FSTL1: variants seen among roughly 807,000 people sequenced by gnomAD.
The protein encoded by FSTL1 is follistatin-related protein 1.
FSTL1 carries 24 observed loss-of-function variants against 45.9 expected under a neutral mutation model. The observed-to-expected ratio is 0.52, with a 90% CI of 0.38 to 0.74. The LOEUF is 0.74. Ranked by LOEUF, FSTL1 falls within the 30% of genes least tolerant of loss-of-function variation. The pLI is 0.00. For missense variants in FSTL1, 340 were observed against 381.8 expected (o/e 0.89, Z 0.91); for synonymous variants, 120 against 137.6 (o/e 0.87, Z 0.89).
intron 3 of FSTL1, among the ~76,000 whole-genome samples, chr3:120,413,781 CT>C (rs1937117387): frequency 1.9e-4 from 1 of 5,268 alleles, no homozygotes; most frequent in Non-Finnish European, 4.0e-4. Context: ...AAAAAACTCC[CT>C]CTCCCTCTCC....
At chr3:120,424,113 A>G (rs1029817512) in intron 2 of FSTL1, 2 of 152,276 alleles carry the variant, frequency 1.3e-5, no homozygotes, top group African/African-American at 2.4e-5. Flanking sequence ...ACGGTCTGTA[A>G]TGAGCATGGC....
chr3:120,449,583 AT>A (rs1306271730), intron 2 of FSTL1, among the ~76,000 whole-genome samples: 1 of 152,206 alleles, frequency 6.6e-6, no homozygotes, highest in African/African-American at 2.4e-5. Flanking sequence ...AAAACAGTTG[AT>A]TGAGTTTCCA....
At chr3:120,403,925 A>AAAAAAC (rs1404485461) in intron 7 of FSTL1, among the ~76,000 whole-genome samples, 1 of 125,322 alleles carries the variant, frequency 8.0e-6, no homozygotes, top group Non-Finnish European at 1.7e-5. Flanking sequence ...CGTCTCAAAA[A>AAAAAAC]AAAAAAAAAA....
At chr3:120,450,782 CG>C (rs776344715) in intron 1 of FSTL1, 36 bp from the exon 2 acceptor site, 1 of 1,500,520 alleles carries the variant, frequency 6.7e-7, no homozygotes, top group Non-Finnish European at 8.9e-7. Context: ...CTGAAGGCGC[CG>C]GGCCCCGCGC....
chr3:120,403,196 A>G (rs535822904), intron 8 of FSTL1, 46 bp downstream of exon 8: 1 of 1,043,750 alleles, frequency 9.6e-7, no homozygotes, highest in Non-Finnish European at 1.5e-6. Context: ...GCTCCTACAA[A>G]ATGCCTCCAT....
At chr3:120,414,463 C>T (rs1215380945) in intron 3 of FSTL1, among the ~76,000 whole-genome samples, 2 of 152,208 alleles carry the variant, frequency 1.3e-5, no homozygotes, top group African/African-American at 4.8e-5. Flanking sequence ...AGCCCCTCTG[C>T]CCGGCCACCA....
At chr3:120,419,343 T>C (rs1937239990) in intron 2 of FSTL1, 1 of 152,188 alleles carries the variant, frequency 6.6e-6, no homozygotes, top group African/African-American at 2.4e-5. Flanking sequence ...GAAAATTTTC[T>C]CCAGAGAGAT....
At chr3:120,422,515 AC>A (rs1419818275) in intron 2 of FSTL1, among the ~76,000 whole-genome samples, 2 of 151,930 alleles carry the variant, frequency 1.3e-5, no homozygotes, top group Non-Finnish European at 2.9e-5. Flanking sequence ...TTAAAAATAA[AC>A]AAAAATTATT....
At position 120,412,812 on chromosome 3, in the gene FSTL1, ACACATGTGCGCGCGCGCGCGCGCGCG is replaced by A. The variant is rs1455839915; in HGVS notation, c.169-855_169-830del. ...CTGATAGGCAGGCAGGCAAACACACACACATGTGCGCGCGCGCGCGCGCGCGCACACACACACACACACACACACAC... is the reference window on the plus strand; with the variant it reads ...CTGATAGGCAGGCAGGCAAACACACACACACACACACACACACACACACAC... On this transcript the variant is annotated intron_variant, in intron 3 of 10. Transcript: ENST00000295633. Among the ~76,000 whole-genome samples the A allele has an allele frequency of 2.3e-3, 241 of 103,130 alleles. 2 individuals carry two copies. Among genetic ancestry groups the A allele is most frequent in the East Asian group, 5.8e-3 (20 of 3,436 alleles). 67.7% of individuals were successfully genotyped at this position (103,130 alleles called of 152,430 possible). A position where few individuals can be genotyped will look rare whatever the true frequency, so the allele number is the denominator to read the frequency against.
chr3:120,432,601 A>T (rs753395159), intron 2 of FSTL1, among the ~76,000 whole-genome samples: 1 of 152,184 alleles, frequency 6.6e-6, no homozygotes, highest in Non-Finnish European at 1.5e-5. Flanking sequence ...GTTGCTATGG[A>T]TAGATTATCA....
At chr3:120,408,166 A>T (rs1936983014) in intron 6 of FSTL1, among the ~76,000 whole-genome samples, 1 of 152,152 alleles carries the variant, frequency 6.6e-6, no homozygotes. Flanking sequence ...TTGAACAGTC[A>T]CTTTCTTTAC....
Position 120,427,495 on chromosome 3 carries a change from C to T in FSTL1, c.64-11468G>A, listed in dbSNP as rs377531741. Among the ~76,000 whole-genome samples the T allele has an allele frequency of 3.3e-5, 5 of 152,250 alleles. No homozygotes were observed. In the East Asian group the frequency reaches 7.7e-4, roughly 24 times the overall value. Reference sequence around the variant, plus strand: ...CTGCCCTGGGGACTTGGGATAGGGACAGAGAGGAACAACACCTGTGCCAAC... The same window carrying T: ...CTGCCCTGGGGACTTGGGATAGGGATAGAGAGGAACAACACCTGTGCCAAC... On this transcript the variant is annotated intron_variant, in intron 2 of 10. Transcript: ENST00000295633.
intron 2 of FSTL1, among the ~76,000 whole-genome samples, chr3:120,420,031 G>C (rs1323986237): frequency 1.3e-5 from 2 of 152,192 alleles, no homozygotes; most frequent in Non-Finnish European, 2.9e-5. Context: ...CTCAGGAATA[G>C]AACAAAGGCC....
intron 2 of FSTL1, among the ~76,000 whole-genome samples, chr3:120,443,566 CAGAG>C (rs772386929): frequency 5.3e-5 from 8 of 149,798 alleles, no homozygotes; most frequent in Non-Finnish European, 1.0e-4. Context: ...TATAGAAAGA[CAGAG>C]AGACGTTTTC....
At chr3:120,412,490 A>C (rs1937075490) in intron 3 of FSTL1, among the ~76,000 whole-genome samples, 1 of 152,190 alleles carries the variant, frequency 6.6e-6, no homozygotes, top group Non-Finnish European at 1.5e-5. Flanking sequence ...CCCTCACCAG[A>C]CATCAAATCT....
intron 2 of FSTL1, among the ~76,000 whole-genome samples, chr3:120,440,881 G>C (rs1163012730): frequency 6.6e-6 from 1 of 152,190 alleles, no homozygotes. Flanking sequence ...GAAGGGAAGA[G>C]CAAAGAGCAA....
At chr3:120,417,470 TCACATG>T (rs1301706712) in intron 2 of FSTL1, among the ~76,000 whole-genome samples, 1 of 152,210 alleles carries the variant, frequency 6.6e-6, no homozygotes, top group African/African-American at 2.4e-5. Context: ...TTTCATTGGT[TCACATG>T]CTGTTGATAA....
Position 120,393,370 on chromosome 3 carries a change from T to A in FSTL1, c.*3582A>T, listed in dbSNP as rs1362386618. On this transcript the variant is annotated 3_prime_UTR_variant, in exon 11 of 11. Coordinates refer to ENST00000295633, the MANE Select transcript of FSTL1 (RefSeq NM_007085.5). ...ATTATTGTGGGTGGAGAGTGCATGATACATATGAAAATGGCAGGTTGGAAA... is the reference window on the plus strand; with the variant it reads ...ATTATTGTGGGTGGAGAGTGCATGAAACATATGAAAATGGCAGGTTGGAAA... 1 of 152,160 alleles carries A rather than the reference T, an allele frequency of 6.6e-6. No individual in the cohort carries two copies. The highest frequency in any genetic ancestry group is 6.5e-5 in the Admixed American group (1 of 15,280). 9.4% of individuals were successfully genotyped at this position (152,160 alleles called of 1,614,324 possible).
chr3:120,432,558 A>G (rs1331652736), intron 2 of FSTL1, among the ~76,000 whole-genome samples: 3 of 152,132 alleles, frequency 2.0e-5, no homozygotes, highest in African/African-American at 7.2e-5. Flanking sequence ...CAAGGACTGC[A>G]TTAGAAACTC....
Sources: allele counts gnomAD v4.1 joint callset (sites outside exome capture counted in the v4.1 genomes callset), GRCh38; gene constraint gnomAD v4.1.1; transcripts MANE v1.5; gene names NCBI Gene and HGNC (gene_info 2026-07-23, HGNC 2026-07-21).